Variants in PDE11A observed in about 807,000 individuals in gnomAD.
PDE11A encodes dual 3',5'-cyclic-AMP and -GMP phosphodiesterase 11A.
Under a neutral mutation model 100.5 loss-of-function variants are expected in PDE11A, and 100 were observed. The observed-to-expected ratio is 1.00, with a 90% CI of 0.85 to 1.18. PDE11A has a LOEUF of 1.18. Ranked by LOEUF, PDE11A falls within the 50% of genes most tolerant of loss-of-function variation. The pLI, the probability that PDE11A is intolerant of heterozygous loss-of-function variation, is 0.00. For synonymous variants in PDE11A, 381 were observed against 420.8 expected, an observed-to-expected ratio of 0.91 and a Z score of 1.16; for missense variants, 1,141 against 1,152.6, an observed-to-expected ratio of 0.99 and a Z score of 0.15.
chr2:177,845,538 C>T (rs546710666), intron 5 of PDE11A, among the ~76,000 whole-genome samples: 392 of 151,986 alleles, frequency 2.6e-3, no homozygotes, highest in African/African-American at 8.9e-3. Flanking sequence ...ACGCTCCTCA[C>T]TTTCCAGACT....
At chr2:177,798,993 T>A (rs1419470121) in intron 9 of PDE11A, among the ~76,000 whole-genome samples, 2 of 152,186 alleles carry the variant, frequency 1.3e-5, no homozygotes, top group African/African-American at 4.8e-5. Flanking sequence ...TCATGGTAAG[T>A]CATTTTGATA....
In PDE11A at chr2:177,791,024, A is replaced by T. The variant is rs1335887538; in HGVS notation, c.1738-21651T>A. ...ACTAGAAATAACATTTGACCCAGCC[A>T]TCCCATTACTGGGTATATACCCCAA... On this transcript the variant is annotated intron_variant, in intron 9 of 19. Transcript: ENST00000286063. Among the ~76,000 whole-genome samples, 6 of 152,198 alleles carry T rather than the reference A, an allele frequency of 3.9e-5. No individual in the cohort carries two copies. In the East Asian group the frequency reaches 1.2e-3, roughly 29 times the overall value.
chr2:177,647,235 C>T (rs1458595359), intron 19 of PDE11A, among the ~76,000 whole-genome samples: 1 of 152,190 alleles, frequency 6.6e-6, no homozygotes, highest in Non-Finnish European at 1.5e-5. Context: ...AAAAGGATCA[C>T]TTAAAACTTT....
At chr2:177,663,203 C>T (rs76124243) in intron 19 of PDE11A, among the ~76,000 whole-genome samples, 9 of 146,778 alleles carry the variant, frequency 6.1e-5, no homozygotes, top group African/African-American at 1.4e-4. Context: ...CCATTCAAAG[C>T]GACACTTTTC....
intron 2 of PDE11A, among the ~76,000 whole-genome samples, chr2:177,960,695 C>A (rs981327042): frequency 1.3e-5 from 2 of 152,132 alleles, no homozygotes; most frequent in Non-Finnish European, 2.9e-5. Flanking sequence ...GAAAACAAAT[C>A]TAATATAACA....
intron 12 of PDE11A, among the ~76,000 whole-genome samples, chr2:177,717,361 T>C (rs972878762): frequency 4.0e-5 from 6 of 151,872 alleles, no homozygotes; most frequent in Admixed American, 6.6e-5. Context: ...CGTACTGATA[T>C]TGAGTAGAAA....
chr2:178,006,052 A>T (rs2086206251), intron 2 of PDE11A, among the ~76,000 whole-genome samples: 1 of 152,214 alleles, frequency 6.6e-6, no homozygotes, highest in Non-Finnish European at 1.5e-5. Context: ...CATGCATACC[A>T]AGCATTATCT....
chr2:177,969,331 CT>C (rs1469049355), intron 2 of PDE11A, among the ~76,000 whole-genome samples: 1 of 152,036 alleles, frequency 6.6e-6, no homozygotes. Flanking sequence ...GGCTGAAAAC[CT>C]AGATGATGGG....
At chr2:178,020,769 G>T in intron 1 of PDE11A, among the ~76,000 whole-genome samples, 1 of 152,130 alleles carries the variant, frequency 6.6e-6, no homozygotes, top group East Asian at 1.9e-4. Context: ...CTGCACTCCA[G>T]ACTGGGCGAC....
At chr2:177,729,531 G>A (rs1371532833) in intron 10 of PDE11A, among the ~76,000 whole-genome samples, 1 of 152,100 alleles carries the variant, frequency 6.6e-6, no homozygotes, top group South Asian at 2.1e-4. Flanking sequence ...AAAAGGTGTG[G>A]GGTAGATTTG....
intron 19 of PDE11A, among the ~76,000 whole-genome samples, chr2:177,634,031 T>C (rs1381006957): frequency 3.3e-5 from 5 of 152,162 alleles, no homozygotes; most frequent in Non-Finnish European, 7.3e-5. Flanking sequence ...AAGCAACACA[T>C]TTTTTTCTTC....
intron 1 of PDE11A, among the ~76,000 whole-genome samples, chr2:178,049,925 A>G (rs2086800412): frequency 6.6e-6 from 1 of 152,164 alleles, no homozygotes; most frequent in Non-Finnish European, 1.5e-5. Flanking sequence ...CCTCTGGTGC[A>G]GGGTATAGCT....
Position 177,802,539 on chromosome 2 carries a change from A to C in PDE11A, c.1737+14290T>G, listed in dbSNP as rs114817689. Among the ~76,000 whole-genome samples the C allele has an allele frequency of 1.5e-3, 231 of 152,180 alleles. 3 individuals are homozygous for C. Among genetic ancestry groups the C allele is most frequent in the African/African-American group, 5.4e-3 (223 of 41,588 alleles). ...TAGCAATTAAAAACATCAAAGTTATATACCCAACCTGGACAAACTTCATAT... is the reference window on the plus strand; with the variant it reads ...TAGCAATTAAAAACATCAAAGTTATCTACCCAACCTGGACAAACTTCATAT... On this transcript the variant is annotated intron_variant, in intron 9 of 19. Transcript: ENST00000286063.
chr2:178,051,936 C>G (rs1338576244), intron 1 of PDE11A, among the ~76,000 whole-genome samples: 3 of 152,094 alleles, frequency 2.0e-5, no homozygotes, highest in Admixed American at 6.6e-5. Flanking sequence ...ACCCCACTGT[C>G]AACATTAGAC....
intron 15 of PDE11A, among the ~76,000 whole-genome samples, chr2:177,690,202 C>T (rs2081022638): frequency 6.6e-6 from 1 of 152,148 alleles, no homozygotes; most frequent in African/African-American, 2.4e-5. Context: ...CCTCCATCAA[C>T]CTACTACAGG....
At chr2:178,038,138 TA>T (rs965564532) in intron 1 of PDE11A, among the ~76,000 whole-genome samples, 38 of 152,220 alleles carry the variant, frequency 2.5e-4, no homozygotes, top group East Asian at 2.1e-3. Context: ...ATAATTGAAA[TA>T]AAAAAACTGT....
chr2:177,939,838 A>G lies in PDE11A; in HGVS notation c.1072-34651T>C, dbSNP rs1468665014. ...TCTTTAACAGACAAATCACAAGAGA[A>G]AAAAAGAGAGAACAAAGGAATCTAT... On this transcript the variant is annotated intron_variant, in intron 2 of 19. Coordinates refer to ENST00000286063, the MANE Select transcript of PDE11A (RefSeq NM_016953.4). Among the ~76,000 whole-genome samples, 3 of 152,330 alleles carry G rather than the reference A, an allele frequency of 2.0e-5. No homozygotes were observed. The East Asian group carries it at 5.8e-4, about 29-fold the overall frequency.
chr2:177,942,463 C>T (rs900551111), intron 2 of PDE11A, among the ~76,000 whole-genome samples: 2 of 149,790 alleles, frequency 1.3e-5, no homozygotes, highest in African/African-American at 4.9e-5. Flanking sequence ...AGTGCAATGG[C>T]GTGATCTCGG....
chr2:177,833,931 G>A (rs10930813), intron 6 of PDE11A, among the ~76,000 whole-genome samples: 147,582 of 152,294 alleles, frequency 0.97, 71,664 homozygotes, highest in Middle Eastern at 1. Flanking sequence ...GCATGCCCAC[G>A]GCAGACTAGA....
Sources: allele counts gnomAD v4.1 joint callset (sites outside exome capture counted in the v4.1 genomes callset), GRCh38; gene constraint gnomAD v4.1.1; transcripts MANE v1.5; gene names NCBI Gene and HGNC (gene_info 2026-07-23, HGNC 2026-07-21).